LYN: variants seen among roughly 807,000 people sequenced by gnomAD.
The protein encoded by LYN is tyrosine-protein kinase Lyn.
Under a neutral mutation model 65.0 loss-of-function variants are expected in LYN, and 12 were observed. That is an observed-to-expected ratio of 0.18 (90% CI 0.12 to 0.30). The LOEUF (loss-of-function observed/expected upper bound fraction) is 0.30, where lower values mean the gene tolerates loss of function less well. LYN is among the 10% of genes least tolerant of loss of function. The probability of loss-of-function intolerance (pLI) is 1.00; values close to 1 mark genes in which losing one functional copy is unlikely to be tolerated. For synonymous variants in LYN, 222 were observed against 221.2 expected (o/e 1.00, Z -0.03); for missense variants, 380 against 623.2 (o/e 0.61, Z 4.16).
At chr8:55,906,859 G>C (rs1805442961) in intron 1 of LYN, among the ~76,000 whole-genome samples, 1 of 152,130 alleles carries the variant, frequency 6.6e-6, no homozygotes, top group Non-Finnish European at 1.5e-5. Flanking sequence ...TGAGAGCCCT[G>C]TCCTTAATAA....
intron 10 of LYN, among the ~76,000 whole-genome samples, chr8:55,976,911 A>G (rs1374638953): frequency 9.9e-5 from 15 of 152,152 alleles, no homozygotes. Flanking sequence ...TAGGCCGAGC[A>G]CAGTGGCTCA....
chr8:55,924,290 G>A (rs1806030551), intron 1 of LYN, among the ~76,000 whole-genome samples: 1 of 152,046 alleles, frequency 6.6e-6, no homozygotes, highest in South Asian at 2.1e-4. Context: ...CACAGTTTGG[G>A]AATCATGGTA....
chr8:55,911,285 A>ATTTT, intron 1 of LYN, among the ~76,000 whole-genome samples: 1 of 27,776 alleles, frequency 3.6e-5, no homozygotes, highest in African/African-American at 1.7e-4. Flanking sequence ...ATATATATAT[A>ATTTT]TTTTTTTTTT....
At chr8:55,930,278 T>C (rs185486837) in intron 1 of LYN, among the ~76,000 whole-genome samples, 2 of 152,330 alleles carry the variant, frequency 1.3e-5, no homozygotes, top group Admixed American at 6.5e-5. Context: ...TTCTTTTAGG[T>C]GTCTTGAGCT....
At chr8:55,973,952 A>C (rs1450355465) in intron 10 of LYN, among the ~76,000 whole-genome samples, 5 of 152,246 alleles carry the variant, frequency 3.3e-5, no homozygotes, top group African/African-American at 4.8e-5. Flanking sequence ...AACTTGCAAA[A>C]TCAGAGTTGT....
At chr8:56,004,004 C>T (rs1808605665) in intron 12 of LYN, among the ~76,000 whole-genome samples, 1 of 148,842 alleles carries the variant, frequency 6.7e-6, no homozygotes, top group Admixed American at 6.7e-5. Flanking sequence ...GCCATCTCAC[C>T]TCACTGCAAC....
chr8:55,941,286 T>C (rs1036791199), intron 1 of LYN, among the ~76,000 whole-genome samples: 34 of 152,166 alleles, frequency 2.2e-4, no homozygotes, highest in African/African-American at 8.0e-4. Flanking sequence ...TGGCCCTGAC[T>C]CCTGACCTTC....
intron 10 of LYN, among the ~76,000 whole-genome samples, chr8:55,978,429 A>G (rs1326269852): frequency 6.6e-6 from 1 of 152,226 alleles, no homozygotes; most frequent in East Asian, 1.9e-4. Flanking sequence ...GGCTGATGAA[A>G]TTAGTTTTGC....
At chr8:55,964,368 A>G (rs1366038129) in intron 8 of LYN, among the ~76,000 whole-genome samples, 2 of 152,070 alleles carry the variant, frequency 1.3e-5, no homozygotes, top group Non-Finnish European at 2.9e-5. Flanking sequence ...TCATTTTTCT[A>G]TAGAGCACTG....
chr8:55,902,595 A>G, intron 1 of LYN: 1 of 295,566 alleles, frequency 3.4e-6, no homozygotes, highest in Non-Finnish European at 6.5e-6. Context: ...CAATCAATAT[A>G]TAGCATACAA....
intron 8 of LYN, among the ~76,000 whole-genome samples, chr8:55,965,781 G>A (rs1244387786): frequency 1.3e-5 from 2 of 151,974 alleles, no homozygotes; most frequent in African/African-American, 2.4e-5. Context: ...ATAGAGTTTT[G>A]TTTTGTTTTT....
intron 4 of LYN, among the ~76,000 whole-genome samples, chr8:55,949,608 G>A (rs770590931): frequency 4.6e-5 from 7 of 152,196 alleles, no homozygotes; most frequent in African/African-American, 9.7e-5. Flanking sequence ...GATACAGAGC[G>A]ATATTTTGAT....
chr8:55,971,630 G>A (rs986664710), intron 10 of LYN, among the ~76,000 whole-genome samples: 1 of 152,162 alleles, frequency 6.6e-6, no homozygotes, highest in South Asian at 2.1e-4. Context: ...ACACACATTG[G>A]GTATGTACTG....
chr8:55,962,410 G>A (rs146203606), intron 8 of LYN, among the ~76,000 whole-genome samples: 3 of 152,214 alleles, frequency 2.0e-5, no homozygotes, highest in African/African-American at 7.2e-5. Flanking sequence ...TGATGTTGGT[G>A]AGATGCATCC....
chr8:55,949,478 G>A (rs774655064), intron 4 of LYN, among the ~76,000 whole-genome samples: 4 of 152,108 alleles, frequency 2.6e-5, no homozygotes, highest in African/African-American at 7.2e-5. Context: ...TTCTCCACCC[G>A]CCTTCACCAT....
intron 1 of LYN, among the ~76,000 whole-genome samples, chr8:55,910,287 A>T (rs1035376388): frequency 3.3e-5 from 5 of 152,144 alleles, no homozygotes; most frequent in African/African-American, 1.2e-4. Context: ...CATGTCATAC[A>T]TTTAAGTCTT....
chr8:55,920,829 C>T (rs751951389), intron 1 of LYN, among the ~76,000 whole-genome samples: 12 of 149,564 alleles, frequency 8.0e-5, no homozygotes, highest in South Asian at 4.3e-4. Flanking sequence ...TCAGCCTCAG[C>T]GGGATTATAG....
At chr8:55,974,194 C>A (rs1159816751) in intron 10 of LYN, among the ~76,000 whole-genome samples, 2 of 152,174 alleles carry the variant, frequency 1.3e-5, no homozygotes, top group Non-Finnish European at 2.9e-5. Flanking sequence ...CTGATTCTTT[C>A]CTCTGCAGCC....
intron 10 of LYN, among the ~76,000 whole-genome samples, chr8:55,978,726 C>T (rs970510041): frequency 2.6e-5 from 4 of 152,134 alleles, no homozygotes; most frequent in East Asian, 1.9e-4. Context: ...GCGCAGGCGA[C>T]GGAGTTCTGA....
Sources: gnomAD v4.1 joint callset for allele counts (sites outside exome capture counted in the v4.1 genomes callset) on GRCh38, gnomAD v4.1.1 for gene constraint, MANE v1.5 for transcripts, NCBI Gene and HGNC (gene_info 2026-07-23, HGNC 2026-07-21) for gene names.